The following RFTN2 variants were observed in gnomAD, a reference collection of about 807,000 sequenced individuals.
The protein encoded by RFTN2 is raftlin family member 2, also known as raftlin-2.
RFTN2 carries 34 observed loss-of-function variants against 52.7 expected under a neutral mutation model. That is an observed-to-expected ratio of 0.64 (90% CI 0.49 to 0.86). The LOEUF (loss-of-function observed/expected upper bound fraction) is 0.86. Ranked by LOEUF, RFTN2 falls within the 40% of genes least tolerant of loss-of-function variation. RFTN2 has a pLI of 0.00. For missense variants in RFTN2, 536 were observed against 600.1 expected (o/e 0.89, Z 1.12); for synonymous variants, 203 against 217.7 (o/e 0.93, Z 0.59).
intron 5 of RFTN2, among the ~76,000 whole-genome samples, chr2:197,627,753 G>T (rs879499628): frequency 2.6e-5 from 4 of 152,138 alleles, no homozygotes; most frequent in Admixed American, 2.6e-4. Flanking sequence ...GTGTCCCAGG[G>T]TGTGCTTCAC....
intron 1 of RFTN2, among the ~76,000 whole-genome samples, chr2:197,661,311 A>G: frequency 6.6e-6 from 1 of 151,580 alleles, no homozygotes; most frequent in East Asian, 1.9e-4. Context: ...GCTCACAGCA[A>G]CCTCCGCCTT....
chr2:197,620,955 G>A (rs188804270), intron 5 of RFTN2, among the ~76,000 whole-genome samples: 223 of 152,286 alleles, frequency 1.5e-3, no homozygotes, highest in African/African-American at 5.2e-3. Context: ...GACAGAGCAA[G>A]ACTCCATCTC....
chr2:197,588,848 G>C (rs1411801692), intron 8 of RFTN2, among the ~76,000 whole-genome samples: 1 of 152,152 alleles, frequency 6.6e-6, no homozygotes, highest in African/African-American at 2.4e-5. Context: ...GGAGGGACCT[G>C]ATGGGAGATA....
intron 7 of RFTN2, among the ~76,000 whole-genome samples, chr2:197,599,188 C>T (rs1167126320): frequency 2.0e-5 from 3 of 152,126 alleles, no homozygotes; most frequent in Non-Finnish European, 4.4e-5. Context: ...ATCCGCCCAC[C>T]TCGGCCTCCC....
chr2:197,582,601 C>T (rs1485429682), intron 8 of RFTN2, among the ~76,000 whole-genome samples: 3 of 152,214 alleles, frequency 2.0e-5, no homozygotes, highest in East Asian at 3.8e-4. Flanking sequence ...TCATTGCCTT[C>T]ACTCAAGCCC....
chr2:197,619,865 CT>C lies in RFTN2; in HGVS notation c.929-1945del, dbSNP rs560114395. 3.8e-3 allele frequency among the ~76,000 whole-genome samples: 533 copies of C among 139,158 alleles called. 1 individual carries two copies. Among genetic ancestry groups the C allele is most frequent in the Non-Finnish European group, 5.2e-3 (329 of 63,688 alleles). 91.3% of individuals were successfully genotyped at this position (139,158 alleles called of 152,430 possible). On this transcript the variant is annotated intron_variant, in intron 5 of 8. Coordinates refer to ENST00000295049, the MANE Select transcript of RFTN2 (RefSeq NM_144629.3). ...TTTTCTTTCTCCCCAAAGAGCAACA[CT>C]TTTTTTTTTTTTTTTACTTCACTGA...
At chr2:197,665,959 T>G (rs2089052004) in intron 1 of RFTN2, among the ~76,000 whole-genome samples, 1 of 152,204 alleles carries the variant, frequency 6.6e-6, no homozygotes, top group African/African-American at 2.4e-5. Flanking sequence ...CTTTTGTGTA[T>G]TTTCATGATG....
chr2:197,604,740 CTATT>C lies in RFTN2; in HGVS notation c.1155-8675_1155-8672del, dbSNP rs111347809. Reference sequence around the variant, plus strand: ...TGCACATTTGTGTTTTATGCACATTCTATTTATTTATTTATTTATTTATTTATTT... The same window carrying C: ...TGCACATTTGTGTTTTATGCACATTCTATTTATTTATTTATTTATTTATTT... On this transcript the variant is annotated intron_variant, in intron 7 of 8. Coordinates refer to ENST00000295049, the MANE Select transcript of RFTN2 (RefSeq NM_144629.3). Among the ~76,000 whole-genome samples, 684 of 150,428 alleles carry C rather than the reference CTATT, an allele frequency of 4.5e-3. 9 individuals carry two copies. The highest frequency in any genetic ancestry group is 0.015 in the African/African-American group (626 of 40,872).
intron 8 of RFTN2, among the ~76,000 whole-genome samples, chr2:197,578,040 T>C (rs2087446850): frequency 6.6e-6 from 1 of 152,174 alleles, no homozygotes; most frequent in Non-Finnish European, 1.5e-5. Flanking sequence ...TCTTGAATGA[T>C]GCTCTCAATG....
intron 5 of RFTN2, among the ~76,000 whole-genome samples, chr2:197,619,302 G>T (rs1185560803): frequency 2.6e-5 from 4 of 152,030 alleles, no homozygotes; most frequent in East Asian, 1.9e-4. Context: ...GAATAGAAAG[G>T]GGGGAAAGGT....
intron 5 of RFTN2, 30 bp from the exon 6 acceptor site, chr2:197,617,951 G>C: frequency 6.5e-7 from 1 of 1,550,164 alleles, no homozygotes; most frequent in Non-Finnish European, 8.7e-7. Flanking sequence ...ATTAAGAAGG[G>C]TTGTAAATAC....
intron 7 of RFTN2, 30 bp downstream of exon 7, chr2:197,615,846 T>C: frequency 9.1e-7 from 1 of 1,095,564 alleles, no homozygotes; most frequent in Non-Finnish European, 1.4e-6. Context: ...TAGAATTAAA[T>C]GATAGTATGT....
intron 3 of RFTN2, among the ~76,000 whole-genome samples, chr2:197,643,520 C>G (rs375749730): frequency 6.6e-6 from 1 of 152,170 alleles, no homozygotes; most frequent in Admixed American, 6.5e-5. Context: ...TACCAACTGT[C>G]TCCTAATTAT....
chr2:197,584,103 T>A (rs962914924), intron 8 of RFTN2, among the ~76,000 whole-genome samples: 1 of 152,024 alleles, frequency 6.6e-6, no homozygotes, highest in African/African-American at 2.4e-5. Flanking sequence ...GCATGTGTCT[T>A]CATGGCAGCA....
At chr2:197,583,300 A>G (rs1465270773) in intron 8 of RFTN2, among the ~76,000 whole-genome samples, 1 of 152,218 alleles carries the variant, frequency 6.6e-6, no homozygotes, top group Admixed American at 6.5e-5. Flanking sequence ...TCAGGAAACT[A>G]AAATACCTCT....
chr2:197,608,116 C>T (rs747590463), intron 7 of RFTN2, among the ~76,000 whole-genome samples: 10 of 152,142 alleles, frequency 6.6e-5, no homozygotes, highest in Non-Finnish European at 1.3e-4. Flanking sequence ...GCAACATCTG[C>T]TTTGGCTGCC....
intron 1 of RFTN2, among the ~76,000 whole-genome samples, chr2:197,657,485 C>T (rs2088910372): frequency 6.6e-6 from 1 of 152,148 alleles, no homozygotes; most frequent in African/African-American, 2.4e-5. Context: ...CTCTGGTGAG[C>T]GCTGATGAAA....
chr2:197,605,437 G>A (rs567322247), intron 7 of RFTN2, among the ~76,000 whole-genome samples: 26 of 152,000 alleles, frequency 1.7e-4, no homozygotes, highest in East Asian at 5.8e-4. Context: ...GGATGATCTC[G>A]ATCTCCTGAC....
intron 5 of RFTN2, among the ~76,000 whole-genome samples, chr2:197,626,562 CAAATAAATAAATAAAT>C (rs138860159): frequency 1.6e-5 from 2 of 124,038 alleles, no homozygotes; most frequent in Non-Finnish European, 3.2e-5. Flanking sequence ...ACCCCATCTA[CAAATAAATAAATAAAT>C]AAATAAATAA....
Sources: allele counts gnomAD v4.1 joint callset (sites outside exome capture counted in the v4.1 genomes callset), GRCh38; gene constraint gnomAD v4.1.1; transcripts MANE v1.5; gene names NCBI Gene and HGNC (gene_info 2026-07-23, HGNC 2026-07-21).